The following NCKAP1L variants were observed in gnomAD, a reference collection of about 807,000 sequenced individuals.
NCKAP1L encodes NCK associated protein 1 like.
In NCKAP1L, 53 loss-of-function variants were observed where a neutral mutation model predicts 139.2. The observed-to-expected ratio is 0.38, with a 90% CI of 0.31 to 0.48. The LOEUF (loss-of-function observed/expected upper bound fraction) is 0.48. Ranked by LOEUF, NCKAP1L falls within the 20% of genes least tolerant of loss-of-function variation. NCKAP1L has a pLI of 0.98. For synonymous variants in NCKAP1L, 468 were observed against 499.7 expected (o/e 0.94, Z 0.85); for missense variants, 1,151 against 1,381.9 (o/e 0.83, Z 2.65).
At position 54,542,953 on chromosome 12, in the gene NCKAP1L, G is replaced by A. The variant is rs546883597; in HGVS notation, c.*268G>A. ...TGTGTGAATTTTACAATGAAAAAAGGAGTAACGTACAAGTATATTTTCTAT... is the reference window on the plus strand; with the variant it reads ...TGTGTGAATTTTACAATGAAAAAAGAAGTAACGTACAAGTATATTTTCTAT... On this transcript the variant is annotated 3_prime_UTR_variant, in exon 31 of 31. Transcript: ENST00000293373. 36 of 382,592 alleles carry A rather than the reference G, an allele frequency of 9.4e-5. No individual in the cohort carries two copies. Among genetic ancestry groups the A allele is most frequent in the African/African-American group, 6.5e-4 (32 of 49,554 alleles). The allele number at this position is 382,592 out of a possible 1,614,324, so 23.7% of individuals were successfully genotyped here. A position where few individuals can be genotyped will look rare whatever the true frequency, so the allele number is the denominator to read the frequency against.
At chr12:54,509,825 G>A in intron 6 of NCKAP1L, 23 bp from the exon 7 acceptor site, 1 of 1,614,128 alleles carries the variant, frequency 6.2e-7, no homozygotes, top group Non-Finnish European at 8.5e-7. Context: ...TGCCGCTAAG[G>A]TTTCATTTGC....
intron 26 of NCKAP1L, 98 bp downstream of exon 26, chr12:54,532,348 C>A: frequency 1.1e-6 from 1 of 885,232 alleles, no homozygotes; most frequent in Non-Finnish European, 1.7e-6. Context: ...CTGAAGAACA[C>A]CATAGGGATA....
chr12:54,499,145 C>T (rs528511518), intron 1 of NCKAP1L, among the ~76,000 whole-genome samples: 30 of 152,128 alleles, frequency 2.0e-4, no homozygotes, highest in Non-Finnish European at 3.5e-4. Flanking sequence ...AGGCTGGTCT[C>T]GAACTTCTGA....
intron 3 of NCKAP1L, among the ~76,000 whole-genome samples, chr12:54,505,966 T>C (rs1956836825): frequency 6.6e-6 from 1 of 152,150 alleles, no homozygotes; most frequent in Non-Finnish European, 1.5e-5. Context: ...CCGGCCTCAG[T>C]CCCCCTTTTT....
At chr12:54,531,208 A>G (rs1957066029) in intron 22 of NCKAP1L, 52 bp from the exon 23 acceptor site, 1 of 1,344,588 alleles carries the variant, frequency 7.4e-7, no homozygotes, top group South Asian at 1.2e-5. Flanking sequence ...TGTTGTACAA[A>G]TACTCCAGTG....
At chr12:54,511,282 A>C (rs1249589681) in intron 7 of NCKAP1L, among the ~76,000 whole-genome samples, 1 of 151,920 alleles carries the variant, frequency 6.6e-6, no homozygotes, top group African/African-American at 2.4e-5. Context: ...GTTCCTCTTT[A>C]TTTTCTCAAC....
chr12:54,523,249 A>C, intron 18 of NCKAP1L, 145 bp from the exon 19 acceptor site: 1 of 919,524 alleles, frequency 1.1e-6, no homozygotes, highest in Non-Finnish European at 1.7e-6. Context: ...GCCCCCATTA[A>C]AGAAAGAGGT....
At chr12:54,517,399 G>A in intron 11 of NCKAP1L, 134 bp from the exon 12 acceptor site, 1 of 667,264 alleles carries the variant, frequency 1.5e-6, no homozygotes, top group Non-Finnish European at 2.6e-6. Flanking sequence ...TTTTTGGTGA[G>A]TCTGAATGTT....
intron 22 of NCKAP1L, among the ~76,000 whole-genome samples, chr12:54,530,941 T>C (rs952669344): frequency 2.0e-5 from 3 of 152,148 alleles, no homozygotes; most frequent in Non-Finnish European, 1.5e-5. Context: ...AAAACTAGTA[T>C]AGCTAGTACA....
intron 26 of NCKAP1L, among the ~76,000 whole-genome samples, chr12:54,534,622 A>C (rs978860559): frequency 6.6e-6 from 1 of 152,206 alleles, no homozygotes; most frequent in Admixed American, 6.5e-5. Flanking sequence ...AAGGACCCTC[A>C]AAAGAGGGAA....
chr12:54,524,034 T>C, intron 20 of NCKAP1L, 78 bp downstream of exon 20: 1 of 1,456,104 alleles, frequency 6.9e-7, no homozygotes, highest in Non-Finnish European at 9.3e-7. Flanking sequence ...AGTATGGTGG[T>C]CCTCAAAGTT....
rs1956873378 is a variant in NCKAP1L at position 54,509,851 on chromosome 12, G to A, written c.601G>A (p.Val201Met). Residue 201 changes from valine (V) to methionine (M), a missense_variant, in exon 7 of 31, where the codon GTG (valine) becomes ATG (methionine). Physicochemically the swap from Val to Met is conservative, Grantham distance 21. Transcript: ENST00000293373. ...TTTCATTTGCTTTTCCCCACAGGCT[G>A]TGAGTGGAGCCCTCCTCTCTTTGCA... is the stretch of plus-strand genomic sequence containing the variant. ...TEEFGPHTKA[V>M]SGALLSLHFL... 2 of 1,614,078 alleles carry A rather than the reference G, an allele frequency of 1.2e-6. No individual in the cohort carries two copies. The highest frequency in any genetic ancestry group is 1.7e-6 in the Non-Finnish European group (2 of 1,180,026).
intron 21 of NCKAP1L, 97 bp downstream of exon 21, chr12:54,526,843 G>T (rs1957031143): frequency 2.1e-6 from 2 of 959,438 alleles, no homozygotes; most frequent in South Asian, 1.4e-5. Flanking sequence ...TAGCTCCCAG[G>T]GTCATAGACT....
intron 27 of NCKAP1L, among the ~76,000 whole-genome samples, chr12:54,535,886 G>A (rs778002995): frequency 6.6e-6 from 1 of 152,228 alleles, no homozygotes; most frequent in African/African-American, 2.4e-5. Flanking sequence ...GCCCTTGGCT[G>A]AAAGTTCTGC....
chr12:54,519,511 C>T (rs1364794489), intron 16 of NCKAP1L, among the ~76,000 whole-genome samples, 179 bp downstream of exon 16: 1 of 149,054 alleles, frequency 6.7e-6, no homozygotes, highest in Non-Finnish European at 1.5e-5. Context: ...TCAAGCAATC[C>T]CCCTACCTCA....
rs775964900 is a variant in NCKAP1L at position 54,520,737 on chromosome 12, G to A, written c.1669G>A (p.Glu557Lys). ...TGAGAAGATGTTTGCCATGACCTTG[G>A]AGGAATCTGCCATGTTGCGTTATGC... ...IFEKMFAMTL[E>K]ESAMLRYAIA... The change falls in exon 17 of 31, where the codon GAG (glutamate) becomes AAG (lysine). Residue 557 changes from glutamate to lysine, a missense_variant. Physicochemically the swap from Glu to Lys is moderately conservative, Grantham distance 56. Transcript: ENST00000293373. 5 of 1,613,900 alleles carry A rather than the reference G, an allele frequency of 3.1e-6. No homozygotes were observed. The highest frequency in any genetic ancestry group is 1.1e-5 in the South Asian group (1 of 91,076).
chr12:54,528,462 G>T, intron 22 of NCKAP1L, 85 bp downstream of exon 22: 1 of 1,507,384 alleles, frequency 6.6e-7, no homozygotes, highest in East Asian at 2.3e-5. Context: ...CATGTATTTA[G>T]GTTGGTGCAA....
chr12:54,524,843 G>A (rs1470484774), intron 20 of NCKAP1L, among the ~76,000 whole-genome samples: 3 of 152,134 alleles, frequency 2.0e-5, no homozygotes, highest in African/African-American at 7.2e-5. Context: ...GGTGGTGCTG[G>A]TGGTGGCAGA....
intron 7 of NCKAP1L, chr12:54,510,576 TC>T (rs1956880094): frequency 6.3e-6 from 1 of 157,644 alleles, no homozygotes; most frequent in Admixed American, 6.5e-5. Context: ...AGTGGCGTGA[TC>T]TTGGCTCACT....
Sources: gnomAD v4.1 joint callset for allele counts (sites outside exome capture counted in the v4.1 genomes callset) on GRCh38, gnomAD v4.1.1 for gene constraint, MANE v1.5 for transcripts, NCBI Gene and HGNC (gene_info 2026-07-23, HGNC 2026-07-21) for gene names.